The following PCDH11X variants were observed in gnomAD, a reference collection of about 807,000 sequenced individuals.
PCDH11X encodes protocadherin-11 X-linked.
In PCDH11X, 18 loss-of-function variants were observed where a neutral mutation model predicts 53.3. The ratio of observed to expected loss-of-function variants is 0.34; its 90% CI spans 0.23 to 0.50. PCDH11X has a LOEUF of 0.50. Among genes scored for constraint, PCDH11X ranks in the 20% least tolerant of loss-of-function variants. The pLI, the probability that PCDH11X is intolerant of heterozygous loss-of-function variation, is 0.98. For synonymous variants in PCDH11X, 279 were observed against 393.3 expected (o/e 0.71, Z 3.44); for missense variants, 570 against 1,032.4 (o/e 0.55, Z 6.14).
In PCDH11X at chrX:91,878,277, C is replaced by A. The variant is rs145430926; in HGVS notation, c.2037C>A (p.Asn679Lys). 34 of 1,209,161 alleles carry A rather than the reference C, an allele frequency of 2.8e-5. No homozygotes were observed. Among genetic ancestry groups the A allele is most frequent in the Non-Finnish European group, 3.7e-5 (33 of 895,087 alleles). The change falls in exon 6 of 11, where the codon AAC (asparagine) becomes AAA (lysine). Residue 679 changes from asparagine to lysine, a missense_variant. By Grantham distance (94) the Asn-to-Lys change is moderately conservative. This residue lies in a region of PCDH11X where 226 missense variants were observed against 457.5 expected (regional missense o/e 0.49). Transcript: ENST00000682573. Reference sequence around the variant, plus strand: ...CAGTTTTCATTGTCCCTCCTTCCAACTGTTCTTATGAATTGGTTCTACCGT... The same window carrying A: ...CAGTTTTCATTGTCCCTCCTTCCAAATGTTCTTATGAATTGGTTCTACCGT... Reference protein sequence around the residue: ...NKPVFIVPPSNCSYELVLPST... With the variant: ...NKPVFIVPPSKCSYELVLPST...
At chrX:92,158,783 G>A (rs952600426) in intron 6 of PCDH11X, among the ~76,000 whole-genome samples, 12 of 110,008 alleles carry the variant, frequency 1.1e-4, no homozygotes, top group African/African-American at 3.6e-4. Flanking sequence ...TTACAGGCAC[G>A]CGCTGCCATG....
At chrX:91,933,521 G>C (rs1481690111) in intron 6 of PCDH11X, among the ~76,000 whole-genome samples, 1 of 111,318 alleles carries the variant, frequency 9.0e-6, no homozygotes, top group Non-Finnish European at 1.9e-5. Context: ...GCAAATATTT[G>C]AAGATATTTC....
chrX:92,498,448 A>T (rs1385696511), intron 10 of PCDH11X, among the ~76,000 whole-genome samples: 2 of 111,315 alleles, frequency 1.8e-5, no homozygotes, highest in Non-Finnish European at 3.8e-5. Context: ...TATACAAACA[A>T]TTTATAGTTT....
At chrX:92,313,615 T>G (rs939822182) in intron 8 of PCDH11X, among the ~76,000 whole-genome samples, 2 of 108,995 alleles carry the variant, frequency 1.8e-5, no homozygotes, top group African/African-American at 6.7e-5. Context: ...GGAGATACTT[T>G]CTGAGCAACG....
chrX:92,088,825 T>C (rs1171184683), intron 6 of PCDH11X, among the ~76,000 whole-genome samples: 1 of 111,410 alleles, frequency 9.0e-6, no homozygotes, highest in Non-Finnish European at 1.9e-5. Flanking sequence ...GAGACTATTG[T>C]AGTGTCCTAC....
At chrX:92,612,884 T>G (rs1055678119) in intron 10 of PCDH11X, among the ~76,000 whole-genome samples, 1 of 110,704 alleles carries the variant, frequency 9.0e-6, no homozygotes, top group Non-Finnish European at 1.9e-5. Flanking sequence ...CCCTTTTTTT[T>G]GTTGTTATTG....
chrX:91,999,008 G>T (rs2525259), intron 6 of PCDH11X, among the ~76,000 whole-genome samples: 5 of 109,269 alleles, frequency 4.6e-5, no homozygotes, highest in Admixed American at 3.0e-4. Flanking sequence ...CAACCTCCCC[G>T]GCTCAAAGGA....
intron 8 of PCDH11X, among the ~76,000 whole-genome samples, chrX:92,384,632 G>C (rs756889472): frequency 1.1e-5 from 1 of 94,836 alleles, no homozygotes; most frequent in East Asian, 3.1e-4. Context: ...TGGTGAAATC[G>C]TAGAGATTCA....
chrX:92,229,102 G>A (rs1180225741), intron 7 of PCDH11X, among the ~76,000 whole-genome samples: 1 of 111,792 alleles, frequency 8.9e-6, no homozygotes, highest in Non-Finnish European at 1.9e-5. Flanking sequence ...TTTAAGACCA[G>A]TGAGAATGAT....
At chrX:92,206,303 A>G (rs774491341) in intron 7 of PCDH11X, among the ~76,000 whole-genome samples, 1 of 111,788 alleles carries the variant, frequency 8.9e-6, no homozygotes. Flanking sequence ...TTCTTATGAA[A>G]TATCTTATTT....
intron 8 of PCDH11X, among the ~76,000 whole-genome samples, chrX:92,339,389 C>A (rs746822127): frequency 8.9e-6 from 1 of 112,268 alleles, no homozygotes; most frequent in East Asian, 2.8e-4. Flanking sequence ...TCCTCTAAAG[C>A]AATTGCAACC....
chrX:91,969,485 G>C (rs184807433), intron 6 of PCDH11X, among the ~76,000 whole-genome samples: 1 of 110,256 alleles, frequency 9.1e-6, no homozygotes, highest in Non-Finnish European at 1.9e-5. Flanking sequence ...AAGCGTCAAG[G>C]TAGTGAAGAT....
chrX:92,412,552 T>TAGATAG (rs1556412540), intron 9 of PCDH11X, among the ~76,000 whole-genome samples: 7 of 85,806 alleles, frequency 8.2e-5, no homozygotes, highest in African/African-American at 1.2e-4. Context: ...TATATATATA[T>TAGATAG]ATAGATAAAG....
At chrX:91,973,384 G>T (rs1251940385) in intron 6 of PCDH11X, among the ~76,000 whole-genome samples, 1 of 100,257 alleles carries the variant, frequency 1.0e-5, no homozygotes, top group Non-Finnish European at 2.0e-5. Context: ...CACATGTATA[G>T]ATATGTAACT....
intron 5 of PCDH11X, among the ~76,000 whole-genome samples, chrX:91,841,044 G>A (rs1937507549): frequency 9.1e-6 from 1 of 110,127 alleles, no homozygotes; most frequent in Non-Finnish European, 1.9e-5. Context: ...ATGTTAAAAA[G>A]CAAAAGAGAT....
chrX:92,335,135 A>G (rs2069587617), intron 8 of PCDH11X, among the ~76,000 whole-genome samples: 1 of 110,314 alleles, frequency 9.1e-6, no homozygotes, highest in Admixed American at 9.7e-5. Flanking sequence ...TTCCTTTTTT[A>G]GCATGAAGAC....
At chrX:92,239,488 T>A (rs2067227000) in intron 7 of PCDH11X, among the ~76,000 whole-genome samples, 1 of 111,587 alleles carries the variant, frequency 9.0e-6, no homozygotes, top group Non-Finnish European at 1.9e-5. Flanking sequence ...ACCATGAAAA[T>A]TAACTTGAGT....
At chrX:91,952,680 A>G (rs1451360252) in intron 6 of PCDH11X, among the ~76,000 whole-genome samples, 2 of 111,207 alleles carry the variant, frequency 1.8e-5, no homozygotes, top group African/African-American at 3.3e-5. Flanking sequence ...CAGCAATCCC[A>G]CTCCTGGGCA....
In PCDH11X at chrX:92,132,983, C is replaced by G. The variant is rs186070542; in HGVS notation, c.3034-68392C>G. On this transcript the variant is annotated intron_variant, in intron 6 of 10. Coordinates refer to ENST00000682573, the MANE Select transcript of PCDH11X (RefSeq NM_032968.5). The stretch of plus-strand genomic sequence containing the variant: ...GTACATGTTTAGAAGCAAAACAACA[C>G]CAAATTCAATATTCATGACTAGTCT... Among the ~76,000 whole-genome samples, 222 of 110,069 alleles carry G rather than the reference C, an allele frequency of 2.0e-3. 3 individuals are homozygous for G. The highest frequency in any genetic ancestry group is 6.8e-3 in the African/African-American group (208 of 30,457).
Sources: gnomAD v4.1 joint callset for allele counts (sites outside exome capture counted in the v4.1 genomes callset) on GRCh38, gnomAD v4.1.1 for gene constraint, gnomAD v4.1.1 regional missense constraint, MANE v1.5 for transcripts, NCBI Gene and HGNC (gene_info 2026-07-23, HGNC 2026-07-21) for gene names.